The following PLCB1 variants were observed in gnomAD, a reference collection of about 807,000 sequenced individuals.
PLCB1 encodes the protein 1-phosphatidylinositol 4,5-bisphosphate phosphodiesterase beta-1.
PLCB1 carries 46 observed loss-of-function variants against 161.8 expected under a neutral mutation model. The ratio of observed to expected loss-of-function variants is 0.28; its 90% CI spans 0.22 to 0.36. PLCB1 has a LOEUF of 0.36. Ranked by LOEUF, PLCB1 falls within the 10% of genes least tolerant of loss-of-function variation. The pLI, the probability that PLCB1 is intolerant of heterozygous loss-of-function variation, is 1.00. For synonymous variants in PLCB1, 517 were observed against 503.7 expected (o/e 1.03, Z -0.35); for missense variants, 1,016 against 1,472.5 (o/e 0.69, Z 5.07).
intron 31 of PLCB1, among the ~76,000 whole-genome samples, chr20:8,828,861 A>G (rs1985844253): frequency 6.6e-6 from 1 of 152,206 alleles, no homozygotes; most frequent in African/African-American, 2.4e-5. Flanking sequence ...GGGGACACCC[A>G]GGGAATTCCT....
chr20:8,348,877 A>C (rs1203950871), intron 2 of PLCB1, among the ~76,000 whole-genome samples: 1 of 152,202 alleles, frequency 6.6e-6, no homozygotes, highest in Non-Finnish European at 1.5e-5. Context: ...AAAATCAATC[A>C]AACATAATTG....
chr20:8,802,226 C>A, intron 31 of PLCB1: 2 of 923,674 alleles, frequency 2.2e-6, no homozygotes, highest in Non-Finnish European at 1.8e-6. Flanking sequence ...GTGTAGCCAT[C>A]CAGTTTTCAG....
At chr20:8,574,807 C>T (rs4504069) in intron 3 of PLCB1, among the ~76,000 whole-genome samples, 2 of 145,952 alleles carry the variant, frequency 1.4e-5, no homozygotes, top group African/African-American at 5.6e-5. Context: ...GACATCAACT[C>T]TCTTGCACTT....
chr20:8,203,271 A>T (rs759186286), intron 2 of PLCB1, among the ~76,000 whole-genome samples: 55 of 152,172 alleles, frequency 3.6e-4, no homozygotes, highest in Non-Finnish European at 7.1e-4. Flanking sequence ...ATTGATGACA[A>T]ATTTAATGTG....
intron 19 of PLCB1, among the ~76,000 whole-genome samples, chr20:8,735,451 G>A (rs896320362): frequency 6.6e-6 from 1 of 152,224 alleles, no homozygotes; most frequent in African/African-American, 2.4e-5. Context: ...CTGCAGTAGA[G>A]TCCTACCTTT....
At chr20:8,427,683 G>A (rs76246063) in intron 3 of PLCB1, among the ~76,000 whole-genome samples, 3,586 of 152,222 alleles carry the variant, frequency 0.024, 138 homozygotes, top group African/African-American at 0.075. Flanking sequence ...AGAGTGAGGG[G>A]CTGGAAATTT....
chr20:8,677,509 G>C (rs935123784), intron 9 of PLCB1, among the ~76,000 whole-genome samples: 5 of 152,104 alleles, frequency 3.3e-5, no homozygotes, highest in Non-Finnish European at 5.9e-5. Flanking sequence ...ACAGCTTTCA[G>C]ACTGAAAGGT....
At chr20:8,682,667 A>C (rs1457001178) in intron 9 of PLCB1, among the ~76,000 whole-genome samples, 3 of 152,240 alleles carry the variant, frequency 2.0e-5, no homozygotes, top group African/African-American at 7.2e-5. Context: ...TTAGCAATCA[A>C]GAATAAATAA....
chr20:8,389,066 A>G (rs574863218), intron 3 of PLCB1, among the ~76,000 whole-genome samples: 4 of 152,348 alleles, frequency 2.6e-5, no homozygotes, highest in Admixed American at 2.0e-4. Flanking sequence ...AGATTTTTAA[A>G]GCTACTATTA....
At chr20:8,829,481 A>G (rs1385465194) in intron 31 of PLCB1, among the ~76,000 whole-genome samples, 1 of 152,202 alleles carries the variant, frequency 6.6e-6, no homozygotes. Flanking sequence ...CGATCTTTAC[A>G]CACATGCTTT....
At chr20:8,166,373 T>G (rs1568575470) in intron 2 of PLCB1, among the ~76,000 whole-genome samples, 1 of 152,172 alleles carries the variant, frequency 6.6e-6, no homozygotes, top group East Asian at 1.9e-4. Flanking sequence ...GATAACCCCA[T>G]TTTCCTCGAA....
At chr20:8,657,877 A>G (rs1989508896) in intron 8 of PLCB1, among the ~76,000 whole-genome samples, 1 of 152,146 alleles carries the variant, frequency 6.6e-6, no homozygotes, top group Non-Finnish European at 1.5e-5. Context: ...TCAATACAAA[A>G]TGTGGTAAAC....
chr20:8,737,304 T>TA (rs1416551401), intron 20 of PLCB1, 112 bp downstream of exon 20: 4 of 883,818 alleles, frequency 4.5e-6, no homozygotes, highest in Non-Finnish European at 3.5e-6. Flanking sequence ...TTTACACACT[T>TA]ATAAAGCAAT....
intron 2 of PLCB1, among the ~76,000 whole-genome samples, chr20:8,177,355 A>G (rs2051794056): frequency 1.3e-5 from 2 of 152,208 alleles, no homozygotes; most frequent in East Asian, 1.9e-4. Context: ...TGGACTTCTC[A>G]GCCGCCAGAA....
At chr20:8,830,454 T>A (rs1985928099) in intron 31 of PLCB1, among the ~76,000 whole-genome samples, 1 of 152,192 alleles carries the variant, frequency 6.6e-6, no homozygotes. Context: ...CCAGGAAACC[T>A]GTTAGGAGGC....
intron 2 of PLCB1, among the ~76,000 whole-genome samples, chr20:8,205,096 G>C (rs1461978813): frequency 6.6e-6 from 1 of 151,942 alleles, no homozygotes; most frequent in Non-Finnish European, 1.5e-5. Flanking sequence ...ATAATAATCC[G>C]AAAAGACAGA....
chr20:8,705,220 A>G (rs545156748), intron 11 of PLCB1, among the ~76,000 whole-genome samples: 1 of 152,326 alleles, frequency 6.6e-6, no homozygotes, highest in South Asian at 2.1e-4. Context: ...CAGTTGCCAT[A>G]GAAATAGAAA....
At chr20:8,506,013 C>T (rs1471072073) in intron 3 of PLCB1, among the ~76,000 whole-genome samples, 3 of 152,164 alleles carry the variant, frequency 2.0e-5, no homozygotes, top group African/African-American at 7.2e-5. Flanking sequence ...TTCAGCCCTG[C>T]TGTATGGAGG....
rs149024086 is a variant in PLCB1, at chr20:8,645,595, A to T, written c.385-507A>T. ...TTAGTGAGATATTGACAGTGTTGGG[A>T]GAAGGGAGAATATTGCATATTATGT... On this transcript the variant is annotated intron_variant, in intron 4 of 31. Transcript: ENST00000338037. Among the ~76,000 whole-genome samples, 424 of 152,286 alleles carry T rather than the reference A, an allele frequency of 2.8e-3. 3 individuals carry two copies. Among genetic ancestry groups the T allele is most frequent in the East Asian group, 9.7e-3 (50 of 5,176 alleles).
Sources: allele counts gnomAD v4.1 joint callset (sites outside exome capture counted in the v4.1 genomes callset), GRCh38; gene constraint gnomAD v4.1.1; transcripts MANE v1.5; gene names NCBI Gene and HGNC (gene_info 2026-07-23, HGNC 2026-07-21).